Variants in LEMD3 observed in about 807,000 individuals in gnomAD.
The protein encoded by LEMD3 is inner nuclear membrane protein Man1.
LEMD3 carries 33 observed loss-of-function variants against 95.2 expected under a neutral mutation model. The ratio of observed to expected loss-of-function variants is 0.35; its 90% CI spans 0.26 to 0.46. The LOEUF is 0.46. Among genes scored for constraint, LEMD3 ranks in the 20% least tolerant of loss-of-function variants. The probability of loss-of-function intolerance (pLI) is 1.00; values close to 1 mark genes in which losing one functional copy is unlikely to be tolerated. For missense variants in LEMD3, 1,210 were observed against 1,192.8 expected, an observed-to-expected ratio of 1.01 and a Z score of -0.21; for synonymous variants, 525 against 474.6, an observed-to-expected ratio of 1.11 and a Z score of -1.38.
At chr12:65,189,709 A>ATT (rs1423969811) in intron 1 of LEMD3, among the ~76,000 whole-genome samples, 1 of 152,214 alleles carries the variant, frequency 6.6e-6, no homozygotes, top group East Asian at 1.9e-4. Context: ...TTTGCAAAAT[A>ATT]GGTCTAGTCT....
At chr12:65,186,631 C>CTTT (rs36112519) in intron 1 of LEMD3, among the ~76,000 whole-genome samples, 5 of 80,198 alleles carry the variant, frequency 6.2e-5, no homozygotes, top group African/African-American at 1.3e-4. Context: ...GTTTAGATTG[C>CTTT]TTTTTTTTTT....
chr12:65,235,859 T>A (rs953764340), intron 4 of LEMD3, among the ~76,000 whole-genome samples: 1 of 152,182 alleles, frequency 6.6e-6, no homozygotes, highest in Non-Finnish European at 1.5e-5. Flanking sequence ...AATGATCTCA[T>A]ATATAAACCT....
chr12:65,182,096 G>A lies in LEMD3; in HGVS notation c.1522+10978G>A, dbSNP rs566786662. On this transcript the variant is annotated intron_variant, in intron 1 of 12. Transcript: ENST00000308330. The stretch of plus-strand genomic sequence containing the variant: ...TAAGGTTACAAGTGATTTGTCCAAG[G>A]TCCCACAGCTACTAGGTGTTGGAGC... Among the ~76,000 whole-genome samples, 5 of 152,226 alleles carry A rather than the reference G, an allele frequency of 3.3e-5. No homozygotes were observed. In the South Asian group the frequency reaches 1.0e-3, roughly 32 times the overall value.
At chr12:65,219,709 C>T (rs1008473728) in intron 4 of LEMD3, among the ~76,000 whole-genome samples, 3 of 152,182 alleles carry the variant, frequency 2.0e-5, no homozygotes, top group African/African-American at 2.4e-5. Flanking sequence ...AGCAGGCCCC[C>T]GTTTTCCTCT....
In LEMD3 at chr12:65,170,304, G is replaced by A. The variant is rs1868485374; in HGVS notation, c.708G>A (p.Glu236=). 4 of 1,586,172 alleles carry A rather than the reference G, an allele frequency of 2.5e-6. No individual in the cohort carries two copies. The highest frequency in any genetic ancestry group is 3.4e-6 in the Non-Finnish European group (4 of 1,166,288). Residue 236 remains glutamate, a synonymous_variant, in exon 1 of 13, where the codon GAG becomes GAA. Coordinates refer to ENST00000308330, the MANE Select transcript of LEMD3 (RefSeq NM_014319.5). ...DGEERDPETE[E]PLWASRTVNG... is the part of the protein sequence containing the mutation. The stretch of plus-strand genomic sequence containing the variant: ...AGGAGAGGGACCCGGAGACCGAGGA[G>A]CCGCTCTGGGCGAGCCGGACCGTGA...
intron 2 of LEMD3, among the ~76,000 whole-genome samples, chr12:65,214,347 G>A (rs1870036634): frequency 6.6e-6 from 1 of 152,142 alleles, no homozygotes; most frequent in African/African-American, 2.4e-5. Context: ...GATCTTATGT[G>A]AAGATAAGGA....
chr12:65,230,718 T>G (rs926893925), intron 4 of LEMD3, among the ~76,000 whole-genome samples: 6 of 152,214 alleles, frequency 3.9e-5, no homozygotes, highest in African/African-American at 1.4e-4. Flanking sequence ...ACAATTTTTC[T>G]CCTTTCCAAT....
intron 1 of LEMD3, among the ~76,000 whole-genome samples, chr12:65,206,351 C>G (rs926062213): frequency 5.9e-5 from 9 of 152,136 alleles, no homozygotes; most frequent in Non-Finnish European, 1.2e-4. Context: ...GTTTTAGATA[C>G]AAGAGACTGC....
rs760159217 is a variant in LEMD3, at chr12:65,210,950, T to G, written c.1547T>G (p.Phe516Cys). 1 of 1,593,596 alleles carries G rather than the reference T, an allele frequency of 6.3e-7. No individual in the cohort carries two copies. The highest frequency in any genetic ancestry group is 1.1e-5 in the South Asian group (1 of 90,684). The change falls in exon 2 of 13, where the codon TTT becomes TGT. Residue 516 changes from phenylalanine to cysteine, a missense_variant. Around this residue, in one of 2 missense-constraint regions of LEMD3, gnomAD observed 461 missense variants for 569.8 expected, o/e 0.81. Transcript: ENST00000308330. ...LSIENPFGET[F>C]GKIQESEKTL... ...GTAGAAAACCCCTTTGGTGAAACAT[T>G]TGGAAAAATACAAGTAAGTAAACGA...
rs1230131842 is a variant in LEMD3 at position 65,176,795 on chromosome 12, A to C, written c.1522+5677A>C. On this transcript the variant is annotated intron_variant, in intron 1 of 12. Coordinates refer to ENST00000308330, the MANE Select transcript of LEMD3 (RefSeq NM_014319.5). Reference sequence around the variant, plus strand: ...CATCTAAACTAGTGTTGTCTGGCACATGGAAATCTCTTAGTAGATGGAAGT... The same window carrying C: ...CATCTAAACTAGTGTTGTCTGGCACCTGGAAATCTCTTAGTAGATGGAAGT... 2.6e-5 allele frequency among the ~76,000 whole-genome samples: 4 copies of C among 152,342 alleles called. No homozygotes were observed. In the East Asian group the frequency reaches 7.7e-4, roughly 29 times the overall value.
intron 1 of LEMD3, among the ~76,000 whole-genome samples, chr12:65,206,913 T>C (rs550558220): frequency 6.6e-6 from 1 of 152,134 alleles, no homozygotes; most frequent in Non-Finnish European, 1.5e-5. Context: ...ATATTTTATT[T>C]TCTGTAGTTA....
Position 65,178,098 on chromosome 12 carries a change from C to T in LEMD3, c.1522+6980C>T, listed in dbSNP as rs7315507. Among the ~76,000 whole-genome samples, 2,432 of 151,966 alleles carry T rather than the reference C, an allele frequency of 0.016. 91 individuals are homozygous for T. The East Asian group carries it at 0.17, about 11-fold the overall frequency. On this transcript the variant is annotated intron_variant, in intron 1 of 12. Transcript: ENST00000308330. ...TGGGCTCAAGCGATCCTGTCACCTTCGCCTCCCAAAGTGCTGAGATTACAG... is the reference window on the plus strand; with the variant it reads ...TGGGCTCAAGCGATCCTGTCACCTTTGCCTCCCAAAGTGCTGAGATTACAG...
rs1868443958 is a variant in LEMD3 at position 65,169,674 on chromosome 12, G to GTC, written c.81_82dup (p.Pro28LeufsTer5). ...TCTCTCAGCTCCGCCGTTACGGCCT[G>GTC]TCTCCCGGACCAGTGACGGAGAGCA... is the stretch of plus-strand genomic sequence containing the variant. On this transcript the variant is annotated frameshift_variant, in exon 1 of 13. Coordinates refer to ENST00000308330, the MANE Select transcript of LEMD3 (RefSeq NM_014319.5). LOFTEE classifies it high-confidence loss of function. 1 of 1,586,604 alleles carries GTC rather than the reference G, an allele frequency of 6.3e-7. No homozygotes were observed. The highest frequency in any genetic ancestry group is 1.8e-5 in the Admixed American group (1 of 55,454).
rs537994536 is a variant in LEMD3, at chr12:65,201,740, TTTC to T, written c.1523-9180_1523-9178del. On this transcript the variant is annotated intron_variant, in intron 1 of 12. Coordinates refer to ENST00000308330, the MANE Select transcript of LEMD3 (RefSeq NM_014319.5). ...CATATTATCTGTGAACAAAGTTTTATTTCTTCTTTCAACCTCTGTACTTTTTCT... is the reference window on the plus strand; with the variant it reads ...CATATTATCTGTGAACAAAGTTTTATTTCTTTCAACCTCTGTACTTTTTCT... Among the ~76,000 whole-genome samples, 307 of 152,294 alleles carry T rather than the reference TTTC, an allele frequency of 2.0e-3. 2 individuals carry two copies. Among genetic ancestry groups the T allele is most frequent in the African/African-American group, 6.9e-3 (286 of 41,580 alleles).
At chr12:65,227,674 T>C (rs909362307) in intron 4 of LEMD3, among the ~76,000 whole-genome samples, 1 of 152,062 alleles carries the variant, frequency 6.6e-6, no homozygotes, top group African/African-American at 2.4e-5. Context: ...CAGCCCAGGA[T>C]GGCTTTGAAT....
At chr12:65,239,120 T>C (rs1408594461) in intron 6 of LEMD3, among the ~76,000 whole-genome samples, 1 of 152,208 alleles carries the variant, frequency 6.6e-6, no homozygotes, top group African/African-American at 2.4e-5. Context: ...AGCTTATTTT[T>C]AAATAATAAA....
rs1426811729 is a variant in LEMD3, at chr12:65,170,922, C to A, written c.1326C>A (p.Asn442Lys). 18 of 1,614,224 alleles carry A rather than the reference C, an allele frequency of 1.1e-5. No individual in the cohort carries two copies. Among genetic ancestry groups the A allele is most frequent in the Non-Finnish European group, 1.5e-5 (18 of 1,180,038 alleles). The change falls in exon 1 of 13, where the codon AAC becomes AAA. Residue 442 changes from asparagine (N) to lysine (K), a missense_variant. Around this residue, in one of 2 missense-constraint regions of LEMD3, gnomAD observed 749 missense variants for 622.9 expected, o/e 1.20. Coordinates refer to ENST00000308330, the MANE Select transcript of LEMD3 (RefSeq NM_014319.5). ...ATACCTACCTGAAAAACACATACAA[C>A]AAACCGAAGCTTTCCGAACCCGAAG... ...SNHTYLKNTY[N>K]KPKLSEPEEE... is the part of the protein sequence containing the mutation.
chr12:65,238,227 A>G (rs1488996046), intron 4 of LEMD3, among the ~76,000 whole-genome samples: 1 of 152,148 alleles, frequency 6.6e-6, no homozygotes, highest in Non-Finnish European at 1.5e-5. Flanking sequence ...GTGAGCCAAA[A>G]TTGTCCCACT....
intron 4 of LEMD3, among the ~76,000 whole-genome samples, chr12:65,222,641 T>C (rs1870326960): frequency 6.6e-6 from 1 of 152,102 alleles, no homozygotes; most frequent in Non-Finnish European, 1.5e-5. Context: ...AATTCTCTAT[T>C]TAATTTATTT....
Sources: allele counts gnomAD v4.1 joint callset (sites outside exome capture counted in the v4.1 genomes callset), GRCh38; gene constraint gnomAD v4.1.1; regional missense constraint gnomAD v4.1.1; transcripts MANE v1.5; gene names NCBI Gene and HGNC (gene_info 2026-07-23, HGNC 2026-07-21).